The following LRRC38 variants were observed in gnomAD, a reference collection of about 807,000 sequenced individuals.
The protein encoded by LRRC38 is leucine-rich repeat-containing protein 38.
LRRC38 carries 5 observed loss-of-function variants against 16.4 expected under a neutral mutation model. That is an observed-to-expected ratio of 0.31 (90% confidence interval 0.16 to 0.64). The LOEUF is 0.64. Among genes scored for constraint, LRRC38 ranks in the 30% least tolerant of loss-of-function variants. The pLI, the probability that LRRC38 is intolerant of heterozygous loss-of-function variation, is 0.80. For missense variants in LRRC38, 341 were observed against 401.8 expected (o/e 0.85, Z 1.29); for synonymous variants, 191 against 190.2 (o/e 1.00, Z -0.04).
intron 1 of LRRC38, among the ~76,000 whole-genome samples, chr1:13,492,713 A>C (rs748069297): frequency 2.0e-4 from 31 of 152,116 alleles, no homozygotes; most frequent in Non-Finnish European, 4.0e-4. Flanking sequence ...AAAAAGAAAA[A>C]AAAAAGGACT....
At chr1:13,492,498 C>T (rs1270412765) in intron 1 of LRRC38, among the ~76,000 whole-genome samples, 4 of 152,014 alleles carry the variant, frequency 2.6e-5, no homozygotes, top group African/African-American at 7.3e-5. Context: ...GTCAGGAGCT[C>T]GAGACCAGCC....
intron 1 of LRRC38, among the ~76,000 whole-genome samples, chr1:13,500,242 G>A (rs1639130971): frequency 2.0e-5 from 2 of 101,572 alleles, no homozygotes; most frequent in Non-Finnish European, 4.1e-5. Context: ...GCGACAGAGT[G>A]AGACTCTGTC....
chr1:13,482,357 G>A lies in LRRC38; in HGVS notation c.632-6258C>T, dbSNP rs550393858. ...TTTGGGAGGCTGAGGCGGGTGGATC[G>A]CCTGAATGCAGGAGTTCAAGACCAC... On this transcript the variant is annotated intron_variant, in intron 1 of 1. Transcript: ENST00000376085. Among the ~76,000 whole-genome samples the A allele has an allele frequency of 4.4e-4, 67 of 151,998 alleles. 1 individual carries two copies. The highest frequency in any genetic ancestry group is 4.1e-3 in the Admixed American group (62 of 15,272).
At chr1:13,496,398 C>T (rs1464928874) in intron 1 of LRRC38, among the ~76,000 whole-genome samples, 2 of 152,048 alleles carry the variant, frequency 1.3e-5, no homozygotes, top group Non-Finnish European at 2.9e-5. Flanking sequence ...GTCTCAAACT[C>T]CTGGGCTCAA....
intron 1 of LRRC38, among the ~76,000 whole-genome samples, chr1:13,504,537 G>A (rs1480822518): frequency 6.6e-6 from 1 of 151,854 alleles, no homozygotes; most frequent in African/African-American, 2.4e-5. Flanking sequence ...CCTGGCCAAT[G>A]TGGCAAAACC....
intron 1 of LRRC38, among the ~76,000 whole-genome samples, chr1:13,500,306 T>C (rs985863363): frequency 3.3e-5 from 5 of 150,654 alleles, no homozygotes; most frequent in African/African-American, 9.8e-5. Context: ...AAAAGCTACA[T>C]ACCTCCCTCA....
At position 13,513,555 on chromosome 1, in the gene LRRC38, G is replaced by C. The variant is rs1639302800; in HGVS notation, c.39C>G (p.Leu13=). The C allele has an allele frequency of 3.2e-6, 4 of 1,238,036 alleles. No individual in the cohort carries two copies. The highest frequency in any genetic ancestry group is 3.0e-6 in the Non-Finnish European group (3 of 992,346). The allele number at this position is 1,238,036 out of a possible 1,614,324, so 76.7% of individuals were successfully genotyped here. A position where few individuals can be genotyped will look rare whatever the true frequency, so the allele number is the denominator to read the frequency against. ...PRAPACAAAA[L]GLCSLLLLLA... is the part of the protein sequence containing the mutation. ...GCAGCAGCAGAAGGCTGCAGAGCCCGAGCGCCGCGGCGGCGCAGGCTGGGG... is the reference window on the plus strand; with the variant it reads ...GCAGCAGCAGAAGGCTGCAGAGCCCCAGCGCCGCGGCGGCGCAGGCTGGGG... Residue 13 remains leucine (L), a synonymous_variant, in exon 1 of 2, where the codon CTC becomes CTG. Coordinates refer to ENST00000376085, the MANE Select transcript of LRRC38 (RefSeq NM_001010847.2).
At chr1:13,503,372 C>T (rs771690814) in intron 1 of LRRC38, among the ~76,000 whole-genome samples, 1 of 152,204 alleles carries the variant, frequency 6.6e-6, no homozygotes, top group Non-Finnish European at 1.5e-5. Flanking sequence ...GGGTTCATGC[C>T]ATTCTCCTGC....
intron 1 of LRRC38, among the ~76,000 whole-genome samples, chr1:13,478,358 T>C (rs1399883499): frequency 6.6e-6 from 1 of 152,252 alleles, no homozygotes; most frequent in Non-Finnish European, 1.5e-5. Flanking sequence ...ATTTCATGGA[T>C]GAGAAAACTG....
chr1:13,484,825 T>C (rs1569913767), intron 1 of LRRC38, among the ~76,000 whole-genome samples: 1 of 152,218 alleles, frequency 6.6e-6, no homozygotes, highest in Non-Finnish European at 1.5e-5. Context: ...ACTCTGCAGC[T>C]GGTACTGGGA....
chr1:13,496,148 G>A lies in LRRC38; in HGVS notation c.631+16815C>T, dbSNP rs559953043. Among the ~76,000 whole-genome samples the A allele has an allele frequency of 4.8e-5, 7 of 147,078 alleles. No individual in the cohort carries two copies. The South Asian group carries it at 1.5e-3, about 32-fold the overall frequency. On this transcript the variant is annotated intron_variant, in intron 1 of 1. Coordinates refer to ENST00000376085, the MANE Select transcript of LRRC38 (RefSeq NM_001010847.2). Reference sequence around the variant, plus strand: ...AATTCATGCCTCAATGATCAGCAGCGCTGATCAAATATATATATATATTAC... The same window carrying A: ...AATTCATGCCTCAATGATCAGCAGCACTGATCAAATATATATATATATTAC...
chr1:13,494,633 C>A (rs140921537), intron 1 of LRRC38, among the ~76,000 whole-genome samples: 2 of 152,150 alleles, frequency 1.3e-5, no homozygotes, highest in Non-Finnish European at 2.9e-5. Context: ...GTGTTCTTAG[C>A]CACTGTGATG....
Position 13,482,337 on chromosome 1 carries a change from G to A in LRRC38, c.632-6238C>T, listed in dbSNP as rs531966075. ...CACACCTGTAACCCCAGCACTTTGGGAGGCTGAGGCGGGTGGATCGCCTGA... is the reference window on the plus strand; with the variant it reads ...CACACCTGTAACCCCAGCACTTTGGAAGGCTGAGGCGGGTGGATCGCCTGA... On this transcript the variant is annotated intron_variant, in intron 1 of 1. Coordinates refer to ENST00000376085, the MANE Select transcript of LRRC38 (RefSeq NM_001010847.2). Among the ~76,000 whole-genome samples the A allele has an allele frequency of 3.3e-5, 5 of 152,214 alleles. No homozygotes were observed. In the South Asian group the frequency reaches 1.0e-3, roughly 32 times the overall value.
At chr1:13,505,960 C>T (rs953302036) in intron 1 of LRRC38, among the ~76,000 whole-genome samples, 37 of 151,740 alleles carry the variant, frequency 2.4e-4, no homozygotes, top group African/African-American at 7.5e-4. Context: ...GGAGGGAGCT[C>T]GGTTGATTCT....
Position 13,513,071 on chromosome 1 carries a change from G to A in LRRC38, c.523C>T (p.Leu175=). ...RSLSVAALAA[L]PALRSLRLDG... ...AGACGCAGGGAGCGCAGCGCGGGCA[G>A]CGCGGCCAGGGCGGCCACGCTGAGG... Residue 175 remains leucine, a synonymous_variant, in exon 1 of 2, where the codon CTG becomes TTG. Coordinates refer to ENST00000376085, the MANE Select transcript of LRRC38 (RefSeq NM_001010847.2). 6.5e-7 allele frequency: 1 copy of A among 1,550,040 alleles called. No individual in the cohort carries two copies. The highest frequency in any genetic ancestry group is 8.7e-7 in the Non-Finnish European group (1 of 1,146,720).
chr1:13,484,962 T>C (rs191300853), intron 1 of LRRC38, among the ~76,000 whole-genome samples: 114 of 152,282 alleles, frequency 7.5e-4, no homozygotes, highest in Middle Eastern at 6.8e-3. Context: ...AGTTAGACAA[T>C]ACCCTTCCCT....
At position 13,513,599 on chromosome 1, in the gene LRRC38, G is replaced by A. The variant is rs1478064868; in HGVS notation, c.-6C>T. ...GCTGGGGCTCGGGGGCGCATGGCCG[G>A]GGGGCCCGCGCCGGCCGCGGCGAGA... On this transcript the variant is annotated 5_prime_UTR_variant, in exon 1 of 2. Coordinates refer to ENST00000376085, the MANE Select transcript of LRRC38 (RefSeq NM_001010847.2). 3.2e-5 allele frequency: 35 copies of A among 1,108,700 alleles called. No individual in the cohort carries two copies. In the Admixed American group the frequency reaches 1.7e-3, roughly 54 times the overall value. The allele number at this position is 1,108,700 out of a possible 1,614,324, so 68.7% of individuals were successfully genotyped here.
At chr1:13,493,517 G>A (rs354587) in intron 1 of LRRC38, among the ~76,000 whole-genome samples, 47 of 152,182 alleles carry the variant, frequency 3.1e-4, no homozygotes, top group Non-Finnish European at 6.5e-4. Context: ...TGAATATGCT[G>A]CCTTGTAAGG....
intron 1 of LRRC38, among the ~76,000 whole-genome samples, chr1:13,494,843 G>A (rs565108077): frequency 1.7e-4 from 26 of 152,360 alleles, no homozygotes; most frequent in Non-Finnish European, 2.8e-4. Flanking sequence ...TAAGCCATTT[G>A]TCTTCTGGAA....
Sources: gnomAD v4.1 joint callset for allele counts (sites outside exome capture counted in the v4.1 genomes callset) on GRCh38, gnomAD v4.1.1 for gene constraint, MANE v1.5 for transcripts, NCBI Gene and HGNC (gene_info 2026-07-23, HGNC 2026-07-21) for gene names.